Variants in ANKFN1 observed in about 807,000 individuals in gnomAD.
The protein encoded by ANKFN1 is ankyrin repeat and fibronectin type-III domain-containing protein 1.
ANKFN1 carries 74 observed loss-of-function variants against 108.7 expected under a neutral mutation model. The observed-to-expected ratio is 0.68, with a 90% CI of 0.56 to 0.83. The LOEUF is 0.83. Ranked by LOEUF, ANKFN1 falls within the 40% of genes least tolerant of loss-of-function variation. The pLI is 0.00. For missense variants in ANKFN1, 1,505 were observed against 1,382.3 expected (o/e 1.09, Z -1.41); for synonymous variants, 547 against 516.2 (o/e 1.06, Z -0.81).
chr17:56,380,788 C>G (rs996270767), intron 8 of ANKFN1, among the ~76,000 whole-genome samples: 1 of 152,244 alleles, frequency 6.6e-6, no homozygotes, highest in Non-Finnish European at 1.5e-5. Context: ...CCGGGAAGTT[C>G]GAACTGGGTG....
intron 4 of ANKFN1, among the ~76,000 whole-genome samples, chr17:56,136,590 A>C (rs565296429): frequency 6.6e-6 from 1 of 152,238 alleles, no homozygotes; most frequent in South Asian, 2.1e-4. Context: ...GAATTATATG[A>C]AAGATGCTAT....
At chr17:56,505,871 T>C (rs779986402) in intron 20 of ANKFN1, among the ~76,000 whole-genome samples, 1 of 152,200 alleles carries the variant, frequency 6.6e-6, no homozygotes, top group South Asian at 2.1e-4. Context: ...TATTCGTATG[T>C]TGGGAGATCA....
intron 3 of ANKFN1, among the ~76,000 whole-genome samples, chr17:56,319,411 T>C (rs191664578): frequency 3.0e-4 from 45 of 152,284 alleles, no homozygotes; most frequent in Admixed American, 2.0e-3. Flanking sequence ...ATCCTTAAAG[T>C]AAACCAGGGC....
Position 56,381,936 on chromosome 17 carries a change from C to T in ANKFN1, c.910+7222C>T, listed in dbSNP as rs566439611. 5.8e-3 allele frequency among the ~76,000 whole-genome samples: 888 copies of T among 151,912 alleles called. 1 individual carries two copies. Among genetic ancestry groups the T allele is most frequent in the Admixed American group, 9.1e-3 (139 of 15,256 alleles). On this transcript the variant is annotated intron_variant, in intron 8 of 20. Coordinates refer to ENST00000682825, the MANE Select transcript of ANKFN1 (RefSeq NM_001370326.1). ...ATTCAGATTCAGGAAATACAGAGAA[C>T]GCCACAAAGATACTCCTCGAGAAGA...
chr17:56,231,620 C>T (rs1206295896), intron 3 of ANKFN1, among the ~76,000 whole-genome samples: 1 of 152,196 alleles, frequency 6.6e-6, no homozygotes, highest in Non-Finnish European at 1.5e-5. Flanking sequence ...ATTCCCAGGG[C>T]CTATGCCCAT....
chr17:56,345,691 C>A (rs1309506535), intron 4 of ANKFN1, among the ~76,000 whole-genome samples: 3 of 152,252 alleles, frequency 2.0e-5, no homozygotes, highest in Non-Finnish European at 4.4e-5. Flanking sequence ...TAAATGTCTT[C>A]TTTTGAGAAG....
In ANKFN1 at chr17:56,074,305, G is replaced by A. The variant is rs539055883; in HGVS notation, c.288+27980G>A. ...GACCCAGCGGATATAACCTGCAGGG[G>A]CACCCACGGCTCCATTAATGGTTCC... On this transcript the variant is annotated intron_variant, in intron 4 of 12. Coordinates refer to the ANKFN1 transcript ENST00000635860. 5.6e-4 allele frequency among the ~76,000 whole-genome samples: 85 copies of A among 152,306 alleles called. 1 individual carries two copies. Among genetic ancestry groups the A allele is most frequent in the African/African-American group, 1.9e-3 (77 of 41,562 alleles).
chr17:56,342,076 T>G (rs1359265202), intron 4 of ANKFN1, among the ~76,000 whole-genome samples: 1 of 152,086 alleles, frequency 6.6e-6, no homozygotes, highest in Non-Finnish European at 1.5e-5. Context: ...CTTCTAGATT[T>G]TCTGGTTTAT....
At chr17:56,221,704 G>A (rs969404407) in intron 2 of ANKFN1, among the ~76,000 whole-genome samples, 12 of 152,202 alleles carry the variant, frequency 7.9e-5, no homozygotes, top group African/African-American at 2.9e-4. Context: ...AAGCGATTTC[G>A]AACACAGTTA....
intron 2 of ANKFN1, among the ~76,000 whole-genome samples, chr17:56,217,107 C>G (rs1420219898): frequency 6.6e-6 from 1 of 152,160 alleles, no homozygotes; most frequent in Non-Finnish European, 1.5e-5. Context: ...CTCTACAGAA[C>G]AGTGAATAAT....
intron 6 of ANKFN1, among the ~76,000 whole-genome samples, chr17:56,365,579 A>G (rs987063547): frequency 2.0e-5 from 3 of 152,210 alleles, no homozygotes; most frequent in African/African-American, 7.2e-5. Context: ...AGAACCCCAA[A>G]GCCCTTTTAC....
chr17:56,304,262 C>T (rs116207744), intron 3 of ANKFN1, among the ~76,000 whole-genome samples: 81 of 152,174 alleles, frequency 5.3e-4, no homozygotes, highest in African/African-American at 1.8e-3. Flanking sequence ...TAGTATGTAA[C>T]GTTTTAATGT....
chr17:56,306,198 G>A (rs780336626), intron 3 of ANKFN1, among the ~76,000 whole-genome samples: 1 of 152,158 alleles, frequency 6.6e-6, no homozygotes, highest in Non-Finnish European at 1.5e-5. Context: ...AAAACGTCTT[G>A]CTGAGAGTTT....
intron 8 of ANKFN1, among the ~76,000 whole-genome samples, chr17:56,432,927 A>G (rs2048806858): frequency 6.6e-6 from 1 of 152,142 alleles, no homozygotes; most frequent in African/African-American, 2.4e-5. Flanking sequence ...TTGAGCAATC[A>G]TCTAGCATTT....
At chr17:56,259,448 G>A (rs531124169) in intron 3 of ANKFN1, among the ~76,000 whole-genome samples, 23 of 152,230 alleles carry the variant, frequency 1.5e-4, no homozygotes, top group African/African-American at 4.6e-4. Flanking sequence ...AGGGCAAAGT[G>A]GTGAAACTCC....
intron 4 of ANKFN1, among the ~76,000 whole-genome samples, chr17:56,065,304 G>A (rs141015323): frequency 4.2e-4 from 64 of 152,280 alleles, no homozygotes; most frequent in African/African-American, 1.4e-3. Context: ...GAATGTTGTC[G>A]CTGGTTTTAT....
At chr17:56,158,616 G>A (rs140274243) in intron 1 of ANKFN1, among the ~76,000 whole-genome samples, 4 of 152,284 alleles carry the variant, frequency 2.6e-5, no homozygotes, top group Non-Finnish European at 4.4e-5. Flanking sequence ...AATGAATTGA[G>A]CAAGCAGATT....
At chr17:56,049,540 C>T (rs966246517) in intron 4 of ANKFN1, among the ~76,000 whole-genome samples, 1 of 151,812 alleles carries the variant, frequency 6.6e-6, no homozygotes, top group Non-Finnish European at 1.5e-5. Context: ...ATCCCTCCCC[C>T]TTCCCCCGAC....
At chr17:56,415,704 G>GA (rs1029690519) in intron 8 of ANKFN1, among the ~76,000 whole-genome samples, 199 of 151,902 alleles carry the variant, frequency 1.3e-3, no homozygotes, top group African/African-American at 4.6e-3. Flanking sequence ...CATAGAAATA[G>GA]AAAAAAAATT....
Sources: gnomAD v4.1 joint callset for allele counts (sites outside exome capture counted in the v4.1 genomes callset) on GRCh38, gnomAD v4.1.1 for gene constraint, MANE v1.5 for transcripts, NCBI Gene and HGNC (gene_info 2026-07-23, HGNC 2026-07-21) for gene names.